Variants in PTPRN2 observed in about 807,000 individuals in gnomAD.
The protein encoded by PTPRN2 is protein tyrosine phosphatase receptor type N2.
Under a neutral mutation model 118.8 loss-of-function variants are expected in PTPRN2, and 74 were observed. The observed-to-expected ratio is 0.62, with a 90% CI of 0.52 to 0.76. The LOEUF is 0.76. Ranked by LOEUF, PTPRN2 falls within the 30% of genes least tolerant of loss-of-function variation. PTPRN2 has a pLI of 0.00. For synonymous variants in PTPRN2, 641 were observed against 608.0 expected (o/e 1.05, Z -0.80); for missense variants, 1,481 against 1,394.4 (o/e 1.06, Z -0.99).
At chr7:157,707,674 C>T (rs1370214295) in intron 12 of PTPRN2, among the ~76,000 whole-genome samples, 1 of 152,044 alleles carries the variant, frequency 6.6e-6, no homozygotes, top group Non-Finnish European at 1.5e-5. Context: ...ACCTCCGCCT[C>T]CTGGGTTCAA....
chr7:158,317,883 A>T (rs1005251941), intron 2 of PTPRN2, among the ~76,000 whole-genome samples: 5 of 152,210 alleles, frequency 3.3e-5, no homozygotes, highest in African/African-American at 4.8e-5. Flanking sequence ...GCTCACGACG[A>T]CGGGGCCGGG....
At chr7:158,126,907 C>T (rs1277249797) in intron 9 of PTPRN2, among the ~76,000 whole-genome samples, 1 of 152,234 alleles carries the variant, frequency 6.6e-6, no homozygotes, top group African/African-American at 2.4e-5. Flanking sequence ...CCTGCCTTCA[C>T]TGGCCTCTCT....
intron 12 of PTPRN2, among the ~76,000 whole-genome samples, chr7:157,827,753 C>T (rs924552501): frequency 3.3e-5 from 5 of 151,940 alleles, no homozygotes; most frequent in African/African-American, 7.3e-5. Flanking sequence ...TACGACTCAC[C>T]GTGCCGGGGT....
At position 157,603,696 on chromosome 7, in the gene PTPRN2, C is replaced by A. The variant is rs1216987109; in HGVS notation, c.2418+306G>T. Among the ~76,000 whole-genome samples, 1 of 152,174 alleles carries A rather than the reference C, an allele frequency of 6.6e-6. No individual in the cohort carries two copies. The highest frequency in any genetic ancestry group is 1.5e-5 in the Non-Finnish European group (1 of 68,022). On this transcript the variant is annotated intron_variant, in intron 16 of 22. Coordinates refer to ENST00000389418, the MANE Select transcript of PTPRN2 (RefSeq NM_002847.5). The surrounding 1 kb of genome is among the most constrained non-coding windows in gnomAD (Gnocchi z 5.4). Reference sequence around the variant, plus strand: ...CTCCAGGAAAGAGGAACGGCACCCACTACGAACCTCTCCTAAAAGCCATGT... The same window carrying A: ...CTCCAGGAAAGAGGAACGGCACCCAATACGAACCTCTCCTAAAAGCCATGT...
intron 10 of PTPRN2, among the ~76,000 whole-genome samples, chr7:158,109,409 A>G (rs1816005198): frequency 6.7e-6 from 1 of 149,932 alleles, no homozygotes; most frequent in African/African-American, 2.5e-5. Flanking sequence ...GAATGACATC[A>G]CCCCTGTGTG....
In PTPRN2 at chr7:157,787,413, G is replaced by A. The variant is rs1231557256; in HGVS notation, c.1789-104476C>T. ...AAGATGCCATAGAAAGTCTGGCGCA[G>A]CAGCCGGTGGGCCTGGGGGGCGCGT... On this transcript the variant is annotated intron_variant, in intron 12 of 22. Transcript: ENST00000389418. The surrounding 1 kb of genome is among the most constrained non-coding windows in gnomAD (Gnocchi z 5.3). Among the ~76,000 whole-genome samples, 9 of 152,162 alleles carry A rather than the reference G, an allele frequency of 5.9e-5. No homozygotes were observed. The highest frequency in any genetic ancestry group is 2.9e-5 in the Non-Finnish European group (2 of 68,020).
At chr7:158,309,992 G>T (rs539574633) in intron 3 of PTPRN2, among the ~76,000 whole-genome samples, 1 of 152,254 alleles carries the variant, frequency 6.6e-6, no homozygotes, top group Non-Finnish European at 1.5e-5. Flanking sequence ...GACACGGGGG[G>T]AAGATGCCAC....
intron 13 of PTPRN2, among the ~76,000 whole-genome samples, chr7:157,669,119 G>A (rs1563326204): frequency 1.3e-5 from 2 of 152,154 alleles, no homozygotes; most frequent in South Asian, 2.1e-4. Context: ...AAGGTGCTCC[G>A]GGGTCTGGGT....
intron 12 of PTPRN2, among the ~76,000 whole-genome samples, chr7:157,760,106 G>T (rs1034913499): frequency 2.6e-5 from 4 of 152,184 alleles, no homozygotes; most frequent in African/African-American, 9.7e-5. Flanking sequence ...ATTCAGAACA[G>T]ATGCCATACT....
intron 6 of PTPRN2, among the ~76,000 whole-genome samples, chr7:158,152,272 C>G (rs1376073232): frequency 4.0e-5 from 6 of 151,668 alleles, no homozygotes; most frequent in African/African-American, 1.5e-4. Context: ...GGCTGGAGCA[C>G]TGCTCTTTCA....
Position 158,316,919 on chromosome 7 carries a change from T to C in PTPRN2, c.177A>G (p.Gly59=). ...CCATTGCCGGAACCTTCTGGCACCT[T>C]CCAAACACTCCATCTGTGAGAAGGG... ...SEACVNDGVF[G]RCQKVPAMDF... is the part of the protein sequence containing the mutation. The change falls in exon 3 of 23, where the codon GGA becomes GGG. Residue 59 remains glycine, a synonymous_variant. Transcript: ENST00000389418. 1 of 1,611,054 alleles carries C rather than the reference T, an allele frequency of 6.2e-7. No homozygotes were observed. Among genetic ancestry groups the C allele is most frequent in the Non-Finnish European group, 8.5e-7 (1 of 1,178,900 alleles).
chr7:157,775,378 C>A (rs545008078), intron 12 of PTPRN2, among the ~76,000 whole-genome samples: 1 of 152,316 alleles, frequency 6.6e-6, no homozygotes, highest in South Asian at 2.1e-4. Flanking sequence ...TCCCTATTCT[C>A]CCATAGGCAT....
At chr7:158,394,779 G>A (rs534055822) in intron 2 of PTPRN2, among the ~76,000 whole-genome samples, 105 of 152,348 alleles carry the variant, frequency 6.9e-4, no homozygotes, top group African/African-American at 2.4e-3. Context: ...TGCGGCAGGG[G>A]CTGCCCCTCC....
intron 11 of PTPRN2, among the ~76,000 whole-genome samples, chr7:158,043,671 A>G (rs1025715037): frequency 6.6e-6 from 1 of 152,236 alleles, no homozygotes; most frequent in Non-Finnish European, 1.5e-5. Context: ...AGCACAAGGC[A>G]GGTTGCCAGG....
intron 11 of PTPRN2, among the ~76,000 whole-genome samples, chr7:158,051,171 C>T (rs1809299168): frequency 6.6e-6 from 1 of 152,246 alleles, no homozygotes; most frequent in Non-Finnish European, 1.5e-5. Flanking sequence ...CCAAGGGCCC[C>T]ATCCAGCACA....
intron 6 of PTPRN2, among the ~76,000 whole-genome samples, chr7:158,160,407 TC>T (rs1309459624): frequency 6.6e-6 from 1 of 152,112 alleles, no homozygotes; most frequent in African/African-American, 2.4e-5. Context: ...ACATCAGAGC[TC>T]CAGGTTTGGC....
intron 5 of PTPRN2, among the ~76,000 whole-genome samples, chr7:158,189,157 C>T (rs750911223): frequency 5.3e-5 from 8 of 152,178 alleles, no homozygotes; most frequent in Non-Finnish European, 7.4e-5. Context: ...CAATTTGCTA[C>T]GGTTTGTTTC....
At chr7:157,846,294 T>C (rs935234836) in intron 12 of PTPRN2, among the ~76,000 whole-genome samples, 1 of 152,074 alleles carries the variant, frequency 6.6e-6, no homozygotes, top group Non-Finnish European at 1.5e-5. Context: ...AAAAAACCCA[T>C]CTGGAAAACC....
chr7:157,805,288 C>G (rs916717121), intron 12 of PTPRN2, among the ~76,000 whole-genome samples: 2 of 89,764 alleles, frequency 2.2e-5, no homozygotes, highest in African/African-American at 1.0e-4. Flanking sequence ...TATATATACT[C>G]CTGTGTGTGT....
Sources: gnomAD v4.1 joint callset for allele counts (sites outside exome capture counted in the v4.1 genomes callset) on GRCh38, gnomAD v4.1.1 for gene constraint, Gnocchi (gnomAD v3.1) non-coding constraint, MANE v1.5 for transcripts, NCBI Gene and HGNC (gene_info 2026-07-23, HGNC 2026-07-21) for gene names.